WDFY2: variants seen among roughly 807,000 people sequenced by gnomAD.
WDFY2 encodes WD repeat and FYVE domain containing 2, also known as WD repeat and FYVE domain-containing protein 2.
A neutral mutation model predicts 56.4 loss-of-function variants in WDFY2; 36 were observed. That is an observed-to-expected ratio of 0.64 (90% CI 0.49 to 0.84). WDFY2 has a LOEUF of 0.84. Ranked by LOEUF, WDFY2 falls within the 40% of genes least tolerant of loss-of-function variation. The probability of loss-of-function intolerance (pLI) is 0.00; values close to 1 mark genes in which losing one functional copy is unlikely to be tolerated. For synonymous variants in WDFY2, 176 were observed against 183.7 expected, an observed-to-expected ratio of 0.96 and a Z score of 0.34; for missense variants, 444 against 512.2, an observed-to-expected ratio of 0.87 and a Z score of 1.29.
chr13:51,693,371 T>C (rs1251181822), intron 3 of WDFY2, among the ~76,000 whole-genome samples: 2 of 151,688 alleles, frequency 1.3e-5, no homozygotes, highest in Non-Finnish European at 3.0e-5. Flanking sequence ...CCAGAGATTC[T>C]GGTATGTTGT....
At chr13:51,649,052 C>T (rs558101297) in intron 1 of WDFY2, among the ~76,000 whole-genome samples, 7 of 152,302 alleles carry the variant, frequency 4.6e-5, no homozygotes, top group Admixed American at 1.3e-4. Flanking sequence ...GAGGCTGAAG[C>T]AGGACAATCA....
At chr13:51,613,602 C>T (rs1333199604) in intron 1 of WDFY2, among the ~76,000 whole-genome samples, 1 of 152,068 alleles carries the variant, frequency 6.6e-6, no homozygotes, top group African/African-American at 2.4e-5. Context: ...TACAAGTGAG[C>T]CCAAATTCTT....
In WDFY2 at chr13:51,624,135, A is replaced by T. The variant is rs560945139; in HGVS notation, c.138-36461A>T. ...TTTAATCAGAGGCTACTCAAGGCAT[A>T]CACTTTTTCTTGGGGCAGTTTGGAC... On this transcript the variant is annotated intron_variant, in intron 1 of 11. Transcript: ENST00000298125. Among the ~76,000 whole-genome samples the T allele has an allele frequency of 3.9e-4, 59 of 152,338 alleles. 1 individual carries two copies. Among genetic ancestry groups the T allele is most frequent in the African/African-American group, 1.4e-3 (57 of 41,578 alleles).
intron 7 of WDFY2, among the ~76,000 whole-genome samples, chr13:51,743,628 A>G (rs1953025186): frequency 6.6e-6 from 1 of 152,218 alleles, no homozygotes; most frequent in Non-Finnish European, 1.5e-5. Flanking sequence ...TAACTCAGTC[A>G]ACACATGTTT....
chr13:51,607,057 CTG>C (rs1954396673), intron 1 of WDFY2, among the ~76,000 whole-genome samples: 1 of 152,178 alleles, frequency 6.6e-6, no homozygotes, highest in African/African-American at 2.4e-5. Context: ...CATAAAAACT[CTG>C]TTCCCTAAAA....
chr13:51,752,629 T>G (rs183955702), intron 8 of WDFY2, among the ~76,000 whole-genome samples: 1 of 152,002 alleles, frequency 6.6e-6, no homozygotes, highest in East Asian at 1.9e-4. Flanking sequence ...CAAAGGAAGA[T>G]AACAGTGTGG....
intron 1 of WDFY2, among the ~76,000 whole-genome samples, chr13:51,623,574 T>A (rs527314458): frequency 6.6e-6 from 1 of 152,280 alleles, no homozygotes; most frequent in African/African-American, 2.4e-5. Context: ...TTGGTTATAG[T>A]TGCTGATTTT....
At chr13:51,683,159 A>T (rs1956005994) in intron 3 of WDFY2, among the ~76,000 whole-genome samples, 1 of 151,960 alleles carries the variant, frequency 6.6e-6, no homozygotes, top group African/African-American at 2.4e-5. Context: ...ATCACAAGTG[A>T]CTCCCTTATT....
intron 3 of WDFY2, among the ~76,000 whole-genome samples, chr13:51,683,961 A>G (rs933574142): frequency 9.9e-5 from 15 of 152,032 alleles, no homozygotes; most frequent in Admixed American, 6.6e-4. Flanking sequence ...TTATTTACTG[A>G]TCCTCCTACA....
chr13:51,725,530 T>C (rs1438876509), intron 5 of WDFY2, among the ~76,000 whole-genome samples: 1 of 151,958 alleles, frequency 6.6e-6, no homozygotes, highest in African/African-American at 2.4e-5. Context: ...ACATTGAAAA[T>C]GTTGTGTTTT....
intron 1 of WDFY2, among the ~76,000 whole-genome samples, chr13:51,660,364 T>A (rs1177957519): frequency 7.1e-6 from 1 of 141,254 alleles, no homozygotes; most frequent in Non-Finnish European, 1.5e-5. Context: ...TCTCAGCTAA[T>A]TTTTTTTTTT....
intron 1 of WDFY2, among the ~76,000 whole-genome samples, chr13:51,646,840 T>G (rs1826068038): frequency 6.6e-6 from 1 of 152,210 alleles, no homozygotes; most frequent in Non-Finnish European, 1.5e-5. Context: ...GGTAGGGGCA[T>G]GAACCTGGTG....
intron 1 of WDFY2, among the ~76,000 whole-genome samples, chr13:51,602,433 A>G (rs1954305062): frequency 6.6e-6 from 1 of 152,244 alleles, no homozygotes; most frequent in South Asian, 2.1e-4. Context: ...GCTATGTACC[A>G]TATGGGTTTG....
chr13:51,643,815 T>A (rs564041910), intron 1 of WDFY2, among the ~76,000 whole-genome samples: 7 of 152,342 alleles, frequency 4.6e-5, no homozygotes, highest in African/African-American at 1.7e-4. Context: ...TGTATTTATA[T>A]GACCTTTTAA....
At chr13:51,597,186 G>T (rs982041677) in intron 1 of WDFY2, among the ~76,000 whole-genome samples, 11 of 152,298 alleles carry the variant, frequency 7.2e-5, no homozygotes, top group African/African-American at 2.4e-4. Context: ...GAACCCAGAA[G>T]AACTGTATAC....
intron 1 of WDFY2, among the ~76,000 whole-genome samples, chr13:51,625,288 C>T (rs1593895790): frequency 6.6e-6 from 1 of 152,290 alleles, no homozygotes; most frequent in African/African-American, 2.4e-5. Flanking sequence ...GATTGGACAA[C>T]ACTTAAGCCA....
chr13:51,614,964 A>G (rs887964818), intron 1 of WDFY2, among the ~76,000 whole-genome samples: 2 of 152,196 alleles, frequency 1.3e-5, no homozygotes, highest in African/African-American at 4.8e-5. Flanking sequence ...ATTGATGTAA[A>G]AGAATAAAGT....
intron 1 of WDFY2, among the ~76,000 whole-genome samples, chr13:51,649,415 C>T (rs983803165): frequency 3.3e-5 from 5 of 149,882 alleles, no homozygotes; most frequent in African/African-American, 4.9e-5. Flanking sequence ...TGCATTTCAG[C>T]GGTCAGACTT....
chr13:51,730,266 T>C (rs1334005952), intron 6 of WDFY2, among the ~76,000 whole-genome samples: 2 of 152,250 alleles, frequency 1.3e-5, no homozygotes, highest in South Asian at 2.1e-4. Flanking sequence ...CTGAAACTGC[T>C]GTCCCCGAGG....
Sources: gnomAD v4.1 joint callset for allele counts (sites outside exome capture counted in the v4.1 genomes callset) on GRCh38, gnomAD v4.1.1 for gene constraint, MANE v1.5 for transcripts, NCBI Gene and HGNC (gene_info 2026-07-23, HGNC 2026-07-21) for gene names.